The following EGFR variants were observed in gnomAD, a reference collection of about 807,000 sequenced individuals.
EGFR encodes the protein epidermal growth factor receptor, also known as avian erythroblastic leukemia viral (v-erb-b) oncogene homolog.
A neutral mutation model predicts 143.0 loss-of-function variants in EGFR; 58 were observed. That is an observed-to-expected ratio of 0.41 (90% CI 0.33 to 0.50). The LOEUF (loss-of-function observed/expected upper bound fraction) is 0.50, where lower values mean the gene tolerates loss of function less well. Ranked by LOEUF, EGFR falls within the 20% of genes least tolerant of loss-of-function variation. The pLI is 0.39. For synonymous variants in EGFR, 613 were observed against 594.4 expected (o/e 1.03, Z -0.45); for missense variants, 1,307 against 1,579.0 (o/e 0.83, Z 2.92).
intron 1 of EGFR, among the ~76,000 whole-genome samples, chr7:55,113,066 C>T (rs570581850): frequency 2.6e-5 from 4 of 152,342 alleles, no homozygotes; most frequent in Admixed American, 6.5e-5. Flanking sequence ...CTGTACCAGA[C>T]GCTGGATGAC....
chr7:55,131,896 G>T (rs1266013275), intron 1 of EGFR, among the ~76,000 whole-genome samples: 4 of 150,578 alleles, frequency 2.7e-5, no homozygotes, highest in Admixed American at 6.6e-5. Context: ...GCCCAGTGCT[G>T]CAGAGGTCAA....
In EGFR at chr7:55,193,198, G is replaced by A. The variant is rs41341644; in HGVS notation, c.2701+357G>A. ...AGTGAACCAGAGGGAGGTGGCAGAA[G>A]AAGCTTAATGGGGAATAGTTCCGGT... On this transcript the variant is annotated intron_variant, in intron 22 of 27. Transcript: ENST00000275493. Among the ~76,000 whole-genome samples, 1,015 of 152,294 alleles carry A rather than the reference G, an allele frequency of 6.7e-3. 10 individuals are homozygous for A. The highest frequency in any genetic ancestry group is 0.023 in the African/African-American group (947 of 41,558).
intron 4 of EGFR, among the ~76,000 whole-genome samples, chr7:55,147,535 C>T (rs1794832662): frequency 1.3e-5 from 2 of 150,258 alleles, no homozygotes; most frequent in Non-Finnish European, 1.5e-5. Context: ...ATAGAGCTGA[C>T]GTGAATCTTC....
chr7:55,032,198 T>C (rs1375145574), intron 1 of EGFR, among the ~76,000 whole-genome samples: 2 of 152,174 alleles, frequency 1.3e-5, no homozygotes, highest in East Asian at 3.8e-4. Flanking sequence ...TTAAGAGAAG[T>C]CTCAAAAGTA....
At chr7:55,124,531 A>C (rs1370567822) in intron 1 of EGFR, among the ~76,000 whole-genome samples, 1 of 152,188 alleles carries the variant, frequency 6.6e-6, no homozygotes, top group South Asian at 2.1e-4. Context: ...GGATCTTAGG[A>C]TTTTCATGAA....
intron 1 of EGFR, among the ~76,000 whole-genome samples, chr7:55,020,379 G>A (rs1309218600): frequency 2.0e-5 from 3 of 152,228 alleles, no homozygotes; most frequent in African/African-American, 4.8e-5. Context: ...GCCACTGCAG[G>A]GGGGGATCGC....
chr7:55,038,860 A>G (rs1314303276), intron 1 of EGFR, among the ~76,000 whole-genome samples: 4 of 151,890 alleles, frequency 2.6e-5, no homozygotes, highest in Admixed American at 6.6e-5. Flanking sequence ...ATGTATCCAC[A>G]TATTTACCAG....
intron 1 of EGFR, among the ~76,000 whole-genome samples, chr7:55,023,116 A>G (rs1786668902): frequency 6.6e-6 from 1 of 152,196 alleles, no homozygotes; most frequent in African/African-American, 2.4e-5. Context: ...ATGGGTCACA[A>G]TGTTGAGGAC....
chr7:55,150,423 G>A (rs1252364415), intron 4 of EGFR, among the ~76,000 whole-genome samples: 3 of 151,536 alleles, frequency 2.0e-5, no homozygotes, highest in African/African-American at 4.8e-5. Flanking sequence ...TTGCCTTGGT[G>A]GTATTCTGGC....
At chr7:55,054,552 G>A (rs1274981276) in intron 1 of EGFR, among the ~76,000 whole-genome samples, 3 of 152,300 alleles carry the variant, frequency 2.0e-5, no homozygotes, top group South Asian at 2.1e-4. Context: ...ACGCTCCCTC[G>A]TCTCTCAACA....
intron 1 of EGFR, among the ~76,000 whole-genome samples, chr7:55,104,724 T>G (rs1443473701): frequency 6.6e-6 from 1 of 152,204 alleles, no homozygotes; most frequent in Non-Finnish European, 1.5e-5. Flanking sequence ...CAACCCACTG[T>G]AAGAGGCTAG....
At chr7:55,110,727 C>G (rs1584063352) in intron 1 of EGFR, among the ~76,000 whole-genome samples, 1 of 152,156 alleles carries the variant, frequency 6.6e-6, no homozygotes, top group East Asian at 1.9e-4. Flanking sequence ...GCTTTTCATG[C>G]TTTATTTGGG....
intron 4 of EGFR, among the ~76,000 whole-genome samples, chr7:55,148,009 C>T (rs570333075): frequency 1.3e-5 from 2 of 152,298 alleles, no homozygotes; most frequent in Admixed American, 1.3e-4. Flanking sequence ...GTTGACACTA[C>T]ATTTTGTTTG....
Position 55,156,647 on chromosome 7 carries a change from T to C in EGFR, c.1121T>C (p.Val374Ala), listed in dbSNP as rs1785432076. Residue 374 changes from valine (V) to alanine (A), a missense_variant, in exon 9 of 28, where the codon GTG (valine) becomes GCG (alanine). Physicochemically the swap from Val to Ala is moderately conservative, Grantham distance 64. Around this residue, in one of 7 missense-constraint regions of EGFR, gnomAD observed 15 missense variants for 46.5 expected, o/e 0.32. Coordinates refer to ENST00000275493, the MANE Select transcript of EGFR (RefSeq NM_005228.5). ...AGTGGCGATCTCCACATCCTGCCGG[T>C]GGCATTTAGGGGGTGAGTCACAGGT... ...SISGDLHILP[V>A]AFRGDSFTHT... The C allele has an allele frequency of 6.2e-7, 1 of 1,614,250 alleles. No individual in the cohort carries two copies. Among genetic ancestry groups the C allele is most frequent in the Non-Finnish European group, 8.5e-7 (1 of 1,180,050 alleles).
intron 1 of EGFR, among the ~76,000 whole-genome samples, chr7:55,051,145 T>C (rs913526985): frequency 2.0e-5 from 3 of 152,210 alleles, no homozygotes; most frequent in Non-Finnish European, 4.4e-5. Flanking sequence ...CAGATTCCAG[T>C]TGCTGCTGAG....
intron 21 of EGFR, among the ~76,000 whole-genome samples, chr7:55,192,155 A>G (rs1249278501): frequency 2.0e-5 from 3 of 152,164 alleles, no homozygotes; most frequent in Admixed American, 6.5e-5. Context: ...TGCAGGATAT[A>G]TAAGTCCCCT....
Position 55,173,030 on chromosome 7 carries a change from T to A in EGFR, c.1967T>A (p.Leu656Ter). ...IATGMVGALL[L>*]LLVVALGIGL... ...ACTGGGATGGTGGGGGCCCTCCTCT[T>A]GCTGCTGGTGGTGGCCCTGGGGATC... Residue 656 changes from leucine to a stop codon, truncating the protein, a stop_gained, in exon 17 of 28, where the codon TTG becomes TAG. Transcript: ENST00000275493. LOFTEE classifies it high-confidence loss of function. 6.2e-7 allele frequency: 1 copy of A among 1,614,086 alleles called. No homozygotes were observed. Among genetic ancestry groups the A allele is most frequent in the Non-Finnish European group, 8.5e-7 (1 of 1,180,028 alleles).
chr7:55,201,283 C>T lies in EGFR; in HGVS notation c.3042C>T (p.Asp1014=), dbSNP rs754707212. ...ACATGGACGACGTGGTGGATGCCGA[C>T]GAGTACCTCATCCCACAGCAGGGCT... ...EEDMDDVVDA[D]EYLIPQQGFF... is the part of the protein sequence containing the mutation. Residue 1014 remains aspartate, a synonymous_variant, in exon 25 of 28, where the codon GAC becomes GAT. Coordinates refer to ENST00000275493, the MANE Select transcript of EGFR (RefSeq NM_005228.5). 6.8e-6 allele frequency: 11 copies of T among 1,614,044 alleles called. No homozygotes were observed. Among genetic ancestry groups the T allele is most frequent in the Middle Eastern group, 1.6e-4 (1 of 6,080 alleles).
intron 1 of EGFR, among the ~76,000 whole-genome samples, chr7:55,068,971 T>C (rs1789673620): frequency 6.6e-6 from 1 of 152,184 alleles, no homozygotes. Context: ...TGCTTTACTA[T>C]TGAATTGCAG....
Sources: gnomAD v4.1 joint callset for allele counts (sites outside exome capture counted in the v4.1 genomes callset) on GRCh38, gnomAD v4.1.1 for gene constraint, gnomAD v4.1.1 regional missense constraint, MANE v1.5 for transcripts, NCBI Gene and HGNC (gene_info 2026-07-23, HGNC 2026-07-21) for gene names.